Variants in GRM7 observed in about 807,000 individuals in gnomAD.
The protein encoded by GRM7 is glutamate metabotropic receptor 7.
Under a neutral mutation model 84.5 loss-of-function variants are expected in GRM7, and 35 were observed. The ratio of observed to expected loss-of-function variants is 0.41; its 90% CI spans 0.32 to 0.55. The LOEUF (loss-of-function observed/expected upper bound fraction) is 0.55, where lower values mean the gene tolerates loss of function less well. Ranked by LOEUF, GRM7 falls within the 20% of genes least tolerant of loss-of-function variation. The pLI is 0.19. For synonymous variants in GRM7, 487 were observed against 455.1 expected (o/e 1.07, Z -0.89); for missense variants, 1,003 against 1,194.6 (o/e 0.84, Z 2.36).
chr3:7,337,849 A>G (rs1367532818), intron 4 of GRM7, among the ~76,000 whole-genome samples: 1 of 152,040 alleles, frequency 6.6e-6, no homozygotes, highest in East Asian at 1.9e-4. Context: ...CTGTATGGAG[A>G]TTTCTTAAAG....
intron 4 of GRM7, among the ~76,000 whole-genome samples, chr3:7,394,429 A>G (rs1055321402): frequency 2.0e-5 from 3 of 152,152 alleles, no homozygotes; most frequent in African/African-American, 7.2e-5. Flanking sequence ...ACTTGATGTC[A>G]CCTTGTTTGC....
intron 4 of GRM7, among the ~76,000 whole-genome samples, chr3:7,312,022 A>G (rs772150143): frequency 6.6e-6 from 1 of 152,188 alleles, no homozygotes; most frequent in Non-Finnish European, 1.5e-5. Flanking sequence ...TTAACCAATA[A>G]CAAAGTCATA....
intron 2 of GRM7, among the ~76,000 whole-genome samples, chr3:7,185,413 G>T (rs2125100802): frequency 6.6e-6 from 1 of 152,180 alleles, no homozygotes; most frequent in Non-Finnish European, 1.5e-5. Context: ...CCTCAAAGAA[G>T]AGCTCAAGAC....
rs535713921 is a variant in GRM7 at position 7,469,302 on chromosome 3, C to T, written c.1515+7580C>T. Among the ~76,000 whole-genome samples, 7 of 152,250 alleles carry T rather than the reference C, an allele frequency of 4.6e-5. No homozygotes were observed. The East Asian group carries it at 1.4e-3, about 29-fold the overall frequency. ...AGGTTCCTCAAGGGTTCCCTAAGTG[C>T]TCTGTAAGCTTGTTCCAAGTGCAAA... On this transcript the variant is annotated intron_variant, in intron 7 of 9. Transcript: ENST00000357716.
intron 4 of GRM7, among the ~76,000 whole-genome samples, chr3:7,325,519 C>T (rs1000959512): frequency 2.6e-5 from 4 of 152,136 alleles, no homozygotes; most frequent in Admixed American, 1.3e-4. Flanking sequence ...AGGGACCACA[C>T]TTTGAGAACC....
intron 1 of GRM7, among the ~76,000 whole-genome samples, chr3:6,969,566 A>G (rs1182510017): frequency 1.3e-5 from 2 of 152,186 alleles, no homozygotes; most frequent in Non-Finnish European, 2.9e-5. Context: ...TCAGGTTCCA[A>G]AATCTGTGTT....
intron 1 of GRM7, among the ~76,000 whole-genome samples, chr3:6,929,376 C>G (rs1244873888): frequency 1.3e-5 from 2 of 152,164 alleles, no homozygotes; most frequent in Non-Finnish European, 2.9e-5. Flanking sequence ...CTGGAGACAG[C>G]ACTGAGGTGC....
intron 4 of GRM7, among the ~76,000 whole-genome samples, chr3:7,370,893 C>T (rs1454189710): frequency 6.6e-6 from 1 of 152,134 alleles, no homozygotes; most frequent in African/African-American, 2.4e-5. Context: ...TTTAGAACTA[C>T]TTAAAAGTTT....
At chr3:7,337,146 G>A (rs73132256) in intron 4 of GRM7, among the ~76,000 whole-genome samples, 5,954 of 152,044 alleles carry the variant, frequency 0.039, 245 homozygotes, top group African/African-American at 0.11. Flanking sequence ...CTTTGACAAA[G>A]CAAACAAACA....
intron 7 of GRM7, among the ~76,000 whole-genome samples, chr3:7,509,426 G>A (rs1700132119): frequency 6.6e-6 from 1 of 152,144 alleles, no homozygotes; most frequent in African/African-American, 2.4e-5. Context: ...CATAGGATGG[G>A]TACTATCTGG....
chr3:7,133,004 T>C (rs549484822), intron 1 of GRM7, among the ~76,000 whole-genome samples: 13 of 152,202 alleles, frequency 8.5e-5, no homozygotes, highest in Middle Eastern at 6.8e-3. Context: ...TCTCAAAAAA[T>C]CATGTGGATT....
chr3:7,061,266 G>C (rs572690153), intron 1 of GRM7, among the ~76,000 whole-genome samples: 1 of 151,732 alleles, frequency 6.6e-6, no homozygotes, highest in South Asian at 2.1e-4. Flanking sequence ...TATAAATATG[G>C]CTGGAATAGT....
At chr3:7,089,055 C>T (rs1299774877) in intron 1 of GRM7, among the ~76,000 whole-genome samples, 1 of 152,128 alleles carries the variant, frequency 6.6e-6, no homozygotes, top group African/African-American at 2.4e-5. Context: ...GGTCTGGACA[C>T]TTCCCATTAC....
chr3:7,414,989 G>C, intron 4 of GRM7, 34 bp from the exon 5 acceptor site: 2 of 1,566,912 alleles, frequency 1.3e-6, no homozygotes, highest in Non-Finnish European at 1.7e-6. Context: ...GCAGTGCCCC[G>C]CAAGCAATGA....
At position 7,656,124 on chromosome 3, in the gene GRM7, G is replaced by A. The variant is rs185792268; in HGVS notation, c.2452-23925G>A. Among the ~76,000 whole-genome samples, 447 of 152,206 alleles carry A rather than the reference G, an allele frequency of 2.9e-3. 7 individuals are homozygous for A. Among genetic ancestry groups the A allele is most frequent in the Middle Eastern group, 0.017 (5 of 294 alleles). On this transcript the variant is annotated intron_variant, in intron 8 of 9. Coordinates refer to ENST00000357716, the MANE Select transcript of GRM7 (RefSeq NM_000844.4). ...GGGGTTCTGTCTAGTGCATGGGTAT[G>A]TATCTTTACTTCAGATGTTCTTTCT...
At chr3:7,216,040 TAA>T (rs993635795) in intron 2 of GRM7, among the ~76,000 whole-genome samples, 1 of 152,200 alleles carries the variant, frequency 6.6e-6, no homozygotes, top group African/African-American at 2.4e-5. Flanking sequence ...CATGTTTATG[TAA>T]AAGTTTCAAT....
intron 4 of GRM7, among the ~76,000 whole-genome samples, chr3:7,343,924 C>T (rs1352728156): frequency 2.0e-5 from 3 of 152,094 alleles, no homozygotes; most frequent in Non-Finnish European, 4.4e-5. Flanking sequence ...GGGAATGAGG[C>T]CCAGGAGTTT....
intron 5 of GRM7, among the ~76,000 whole-genome samples, chr3:7,436,952 A>G (rs774212836): frequency 6.6e-6 from 1 of 151,878 alleles, no homozygotes; most frequent in African/African-American, 2.4e-5. Flanking sequence ...CACTCTTTAT[A>G]TATGTTATTT....
chr3:7,636,292 C>T (rs921413031), intron 8 of GRM7: 24 of 456,520 alleles, frequency 5.3e-5, no homozygotes, highest in Middle Eastern at 3.2e-4. Flanking sequence ...ATAATGGAGA[C>T]GCAGCAATGA....
Sources: allele counts gnomAD v4.1 joint callset (sites outside exome capture counted in the v4.1 genomes callset), GRCh38; gene constraint gnomAD v4.1.1; transcripts MANE v1.5; gene names NCBI Gene and HGNC (gene_info 2026-07-23, HGNC 2026-07-21).